ERC1: variants seen among roughly 807,000 people sequenced by gnomAD.
ERC1 encodes the protein ELKS/RAB6-interacting/CAST family member 1, also known as RAB6 interacting protein 2.
Under a neutral mutation model 132.0 loss-of-function variants are expected in ERC1, and 56 were observed. The observed-to-expected ratio is 0.42, with a 90% CI of 0.34 to 0.53. ERC1 has a LOEUF of 0.53. Ranked by LOEUF, ERC1 falls within the 20% of genes least tolerant of loss-of-function variation. ERC1 has a pLI of 0.03. For missense variants in ERC1, 1,202 were observed against 1,349.9 expected (o/e 0.89, Z 1.72); for synonymous variants, 478 against 476.1 (o/e 1.00, Z -0.05).
At chr12:1,093,290 ATTC>A (rs61362156) in intron 3 of ERC1, among the ~76,000 whole-genome samples, 28,769 of 152,082 alleles carry the variant, frequency 0.19, 3,442 homozygotes, top group Non-Finnish European at 0.25. Flanking sequence ...TTGACCGCTT[ATTC>A]TTAGCTTTTG....
At chr12:1,130,525 T>G (rs534970283) in intron 7 of ERC1, among the ~76,000 whole-genome samples, 1 of 152,324 alleles carries the variant, frequency 6.6e-6, no homozygotes, top group African/African-American at 2.4e-5. Flanking sequence ...CAGTATACTT[T>G]GTGTAGCCAA....
At chr12:1,192,464 G>A (rs1051103976) in intron 12 of ERC1, among the ~76,000 whole-genome samples, 2 of 152,106 alleles carry the variant, frequency 1.3e-5, no homozygotes, top group African/African-American at 4.8e-5. Context: ...TATTTCCTAT[G>A]CCTGTGTCTG....
chr12:1,074,423 C>T (rs1260338657), intron 2 of ERC1, among the ~76,000 whole-genome samples: 1 of 152,102 alleles, frequency 6.6e-6, no homozygotes, highest in African/African-American at 2.4e-5. Context: ...GCCTCAGCCT[C>T]CCGAATAGCT....
At chr12:1,104,033 GTC>G (rs1944968730) in intron 3 of ERC1, among the ~76,000 whole-genome samples, 1 of 151,172 alleles carries the variant, frequency 6.6e-6, no homozygotes, top group Non-Finnish European at 1.5e-5. Flanking sequence ...CATTCACAGA[GTC>G]TGACAAGAAA....
At chr12:1,189,069 T>C (rs972465083) in intron 11 of ERC1, among the ~76,000 whole-genome samples, 1 of 152,098 alleles carries the variant, frequency 6.6e-6, no homozygotes, top group African/African-American at 2.4e-5. Context: ...TCAAAAAAAT[T>C]TTTCTTAAAC....
intron 16 of ERC1, among the ~76,000 whole-genome samples, chr12:1,392,170 C>T (rs1343613642): frequency 2.0e-5 from 3 of 151,952 alleles, no homozygotes; most frequent in African/African-American, 7.3e-5. Context: ...GGGTGGGGGT[C>T]AGTGATGGAA....
intron 16 of ERC1, among the ~76,000 whole-genome samples, chr12:1,394,206 C>T (rs545369822): frequency 3.6e-4 from 55 of 150,994 alleles, no homozygotes; most frequent in Non-Finnish European, 6.6e-4. Flanking sequence ...CGAGACCATC[C>T]TGGCTAACAC....
chr12:1,274,647 C>T (rs1375763981), intron 14 of ERC1, among the ~76,000 whole-genome samples: 1 of 152,034 alleles, frequency 6.6e-6, no homozygotes, highest in Non-Finnish European at 1.5e-5. Context: ...CATGCATCAC[C>T]ACACCCGGCT....
At chr12:1,264,601 T>G (rs2077361591) in intron 14 of ERC1, among the ~76,000 whole-genome samples, 1 of 151,956 alleles carries the variant, frequency 6.6e-6, no homozygotes, top group Non-Finnish European at 1.5e-5. Context: ...GAGGCGGAGC[T>G]TGCAGTGAGC....
intron 18 of ERC1, among the ~76,000 whole-genome samples, chr12:1,489,416 G>A (rs2094292949): frequency 2.0e-5 from 3 of 152,120 alleles, no homozygotes; most frequent in Non-Finnish European, 4.4e-5. Flanking sequence ...TCGTTTATCT[G>A]TTTACATGCT....
chr12:1,453,705 T>C (rs932783812), intron 18 of ERC1, among the ~76,000 whole-genome samples: 1 of 152,220 alleles, frequency 6.6e-6, no homozygotes, highest in Non-Finnish European at 1.5e-5. Context: ...TTGTGTGTGA[T>C]TGTATCAAAT....
At chr12:1,296,577 C>T (rs1292144702) in intron 15 of ERC1, among the ~76,000 whole-genome samples, 1 of 151,918 alleles carries the variant, frequency 6.6e-6, no homozygotes, top group Non-Finnish European at 1.5e-5. Context: ...TCACAGCCAG[C>T]TAATTTTGTA....
intron 13 of ERC1, among the ~76,000 whole-genome samples, chr12:1,244,029 T>C (rs2076002967): frequency 6.6e-6 from 1 of 152,340 alleles, no homozygotes; most frequent in Non-Finnish European, 1.5e-5. Context: ...AGTTTTCTGG[T>C]ACCGTACTCT....
chr12:1,317,507 A>G (rs1022012878), intron 15 of ERC1, among the ~76,000 whole-genome samples: 27 of 152,206 alleles, frequency 1.8e-4, no homozygotes, highest in African/African-American at 6.3e-4. Flanking sequence ...CTATGTAACA[A>G]ACCTGCACGT....
chr12:1,425,992 A>G (rs1591978746), intron 17 of ERC1, among the ~76,000 whole-genome samples: 2 of 152,218 alleles, frequency 1.3e-5, no homozygotes, highest in African/African-American at 4.8e-5. Context: ...TTGTAAATCC[A>G]TAATTTGCCA....
chr12:1,261,603 T>C (rs898133204), intron 13 of ERC1, among the ~76,000 whole-genome samples: 1 of 152,228 alleles, frequency 6.6e-6, no homozygotes, highest in East Asian at 1.9e-4. Context: ...CCCTCCACTG[T>C]ACTGTGCTGC....
upstream of ERC1, chr12:990,777 C>A (rs528639796): frequency 6.6e-6 from 1 of 152,100 alleles, no homozygotes; most frequent in South Asian, 2.1e-4. Flanking sequence ...TAACGGGCCA[C>A]GAGAAGTAGG....
intron 12 of ERC1, among the ~76,000 whole-genome samples, chr12:1,212,032 A>G (rs1204999333): frequency 6.6e-6 from 1 of 152,186 alleles, no homozygotes; most frequent in Non-Finnish European, 1.5e-5. Flanking sequence ...ACATTACTGC[A>G]AAAGCTATCT....
chr12:1,458,280 A>G (rs2093579559), intron 18 of ERC1, among the ~76,000 whole-genome samples: 1 of 152,272 alleles, frequency 6.6e-6, no homozygotes, highest in Admixed American at 6.5e-5. Flanking sequence ...GACTGGTTAC[A>G]TACCAGGAGA....
Sources: gnomAD v4.1 joint callset for allele counts (sites outside exome capture counted in the v4.1 genomes callset) on GRCh38, gnomAD v4.1.1 for gene constraint, MANE v1.5 for transcripts, NCBI Gene and HGNC (gene_info 2026-07-23, HGNC 2026-07-21) for gene names.